The following KLF12 variants were observed in gnomAD, a reference collection of about 807,000 sequenced individuals.
KLF12 encodes the protein KLF transcription factor 12.
A neutral mutation model predicts 37.8 loss-of-function variants in KLF12; 9 were observed. The ratio of observed to expected loss-of-function variants is 0.24; its 90% CI spans 0.14 to 0.42. The LOEUF is 0.42. KLF12 is among the 10% of genes least tolerant of loss of function. The pLI, the probability that KLF12 is intolerant of heterozygous loss-of-function variation, is 1.00. For missense variants in KLF12, 411 were observed against 516.0 expected (o/e 0.80, Z 1.97); for synonymous variants, 208 against 202.1 (o/e 1.03, Z -0.25).
the KLF12 span, among the ~76,000 whole-genome samples, chr13:74,273,216 A>C: frequency 6.6e-6 from 1 of 152,202 alleles, no homozygotes; most frequent in Non-Finnish European, 1.5e-5. Context: ...AAACAATGCC[A>C]GATTTTGTTT....
intron 6 of KLF12, among the ~76,000 whole-genome samples, chr13:73,737,361 C>G (rs575757262): frequency 2.0e-5 from 3 of 152,160 alleles, no homozygotes; most frequent in Non-Finnish European, 2.9e-5. Context: ...GGCCTTTTCT[C>G]AACATTCTTC....
intron 1 of KLF12, among the ~76,000 whole-genome samples, chr13:74,096,225 A>T (rs1271780082): frequency 6.6e-6 from 1 of 152,228 alleles, no homozygotes; most frequent in Non-Finnish European, 1.5e-5. Flanking sequence ...AAAGCTTTCC[A>T]CAAAATGGAC....
chr13:74,098,306 TG>T (rs1207807382), intron 1 of KLF12, among the ~76,000 whole-genome samples: 1 of 152,218 alleles, frequency 6.6e-6, no homozygotes, highest in African/African-American at 2.4e-5. Flanking sequence ...CTATCAATAC[TG>T]CTTACCTCCT....
At chr13:73,736,161 C>G (rs1439639086) in intron 6 of KLF12, among the ~76,000 whole-genome samples, 1 of 152,030 alleles carries the variant, frequency 6.6e-6, no homozygotes, top group African/African-American at 2.4e-5. Flanking sequence ...AACTGAAATT[C>G]CTTAGTTTAT....
At chr13:73,698,745 G>A (rs1167946608) in intron 7 of KLF12, among the ~76,000 whole-genome samples, 1 of 152,166 alleles carries the variant, frequency 6.6e-6, no homozygotes, top group East Asian at 1.9e-4. Context: ...AACATATAAT[G>A]TATGGCCTTC....
At chr13:74,016,222 C>T (rs537387763) in intron 1 of KLF12, among the ~76,000 whole-genome samples, 4 of 151,894 alleles carry the variant, frequency 2.6e-5, no homozygotes, top group East Asian at 1.9e-4. Context: ...CATTTACATG[C>T]GAAAGATATT....
chr13:73,803,062 T>G (rs916768023), intron 5 of KLF12, among the ~76,000 whole-genome samples: 1 of 152,226 alleles, frequency 6.6e-6, no homozygotes, highest in Non-Finnish European at 1.5e-5. Context: ...AAATTTGCTC[T>G]GCATGGTTTT....
chr13:74,089,037 T>G (rs1361853974), intron 1 of KLF12, among the ~76,000 whole-genome samples: 1 of 152,208 alleles, frequency 6.6e-6, no homozygotes, highest in Non-Finnish European at 1.5e-5. Context: ...GACAATTATT[T>G]CTAGAATTCT....
chr13:73,797,447 A>C (rs577881507), intron 5 of KLF12, among the ~76,000 whole-genome samples: 122 of 152,294 alleles, frequency 8.0e-4, no homozygotes, highest in Non-Finnish European at 1.6e-3. Context: ...TTTTCCCTTC[A>C]AGACAGAATG....
intron 1 of KLF12, among the ~76,000 whole-genome samples, chr13:74,092,015 C>A (rs370110604): frequency 3.3e-5 from 5 of 149,620 alleles, no homozygotes; most frequent in Admixed American, 6.7e-5. Context: ...AAAACCCAGA[C>A]GTGGTGGCTC....
intron 2 of KLF12, among the ~76,000 whole-genome samples, chr13:73,982,780 T>C (rs1891720909): frequency 6.6e-6 from 1 of 152,158 alleles, no homozygotes; most frequent in South Asian, 2.1e-4. Flanking sequence ...ATTTTTCTCA[T>C]AGTTAAGTCC....
chr13:74,140,883 C>G, the KLF12 span, among the ~76,000 whole-genome samples: 8 of 152,100 alleles, frequency 5.3e-5, no homozygotes, highest in East Asian at 1.9e-4. Flanking sequence ...GAAACCCCAT[C>G]TCTACTAAAA....
intron 3 of KLF12, among the ~76,000 whole-genome samples, chr13:73,897,668 C>T (rs1233339244): frequency 6.6e-6 from 1 of 152,210 alleles, no homozygotes; most frequent in Non-Finnish European, 1.5e-5. Flanking sequence ...CATCCCTATT[C>T]TAAGCCACCA....
At chr13:73,868,391 CGTTT>C (rs1315128280) in intron 3 of KLF12, among the ~76,000 whole-genome samples, 1 of 145,740 alleles carries the variant, frequency 6.9e-6, no homozygotes, top group African/African-American at 2.5e-5. Flanking sequence ...GATTTTTGTT[CGTTT>C]GTTTTTTGTT....
chr13:74,144,497 T>C, the KLF12 span, among the ~76,000 whole-genome samples: 1 of 152,190 alleles, frequency 6.6e-6, no homozygotes, highest in African/African-American at 2.4e-5. Context: ...CAGTGCCACA[T>C]TTTTGTATTT....
intron 1 of KLF12, among the ~76,000 whole-genome samples, chr13:74,054,062 TA>T (rs571091676): frequency 1.1e-3 from 162 of 152,310 alleles, no homozygotes; most frequent in African/African-American, 3.6e-3. Flanking sequence ...TTTCATCACA[TA>T]AAAATAATCT....
At chr13:73,815,669 T>C (rs1883174230) in intron 4 of KLF12, among the ~76,000 whole-genome samples, 1 of 152,210 alleles carries the variant, frequency 6.6e-6, no homozygotes, top group African/African-American at 2.4e-5. Flanking sequence ...CATTTAAAGT[T>C]GTTGAAACAT....
intron 3 of KLF12, among the ~76,000 whole-genome samples, chr13:73,884,492 G>T (rs555651847): frequency 6.6e-6 from 1 of 152,144 alleles, no homozygotes; most frequent in African/African-American, 2.4e-5. Flanking sequence ...CAATGCCATC[G>T]AGGGCCCTGC....
intron 1 of KLF12, among the ~76,000 whole-genome samples, chr13:74,099,315 C>G (rs1876171417): frequency 6.6e-6 from 1 of 152,158 alleles, no homozygotes; most frequent in South Asian, 2.1e-4. Flanking sequence ...CCACTGCACT[C>G]TAGCCTGGGC....
Sources: gnomAD v4.1 joint callset for allele counts (sites outside exome capture counted in the v4.1 genomes callset) on GRCh38, gnomAD v4.1.1 for gene constraint, MANE v1.5 for transcripts, NCBI Gene and HGNC (gene_info 2026-07-23, HGNC 2026-07-21) for gene names.